The following ANXA11 variants were observed in gnomAD, a reference collection of about 807,000 sequenced individuals.
ANXA11 encodes the protein annexin A11.
ANXA11 carries 57 observed loss-of-function variants against 64.7 expected under a neutral mutation model. The observed-to-expected ratio is 0.88, with a 90% CI of 0.71 to 1.10. The LOEUF (loss-of-function observed/expected upper bound fraction) is 1.10, where lower values mean the gene tolerates loss of function less well. Ranked by LOEUF, ANXA11 falls within the 50% of genes least tolerant of loss-of-function variation. The probability of loss-of-function intolerance (pLI) is 0.00; values close to 1 mark genes in which losing one functional copy is unlikely to be tolerated. For synonymous variants in ANXA11, 260 were observed against 265.2 expected, an observed-to-expected ratio of 0.98 and a Z score of 0.19; for missense variants, 675 against 670.7, an observed-to-expected ratio of 1.01 and a Z score of -0.07.
In ANXA11 at chr10:80,163,521, G is replaced by C; in HGVS notation, c.1029+13C>G. On this transcript the variant is annotated intron_variant, in intron 10 of 15. Transcript: ENST00000422982. Reference sequence around the variant, plus strand: ...TGGCTTGGGGGCCCCGAGCCCTGTCGTGGGAAAAGTACCTGAGAGAGAGAG... The same window carrying C: ...TGGCTTGGGGGCCCCGAGCCCTGTCCTGGGAAAAGTACCTGAGAGAGAGAG... The C allele has an allele frequency of 6.3e-7, 1 of 1,589,072 alleles. No homozygotes were observed. Among genetic ancestry groups the C allele is most frequent in the Non-Finnish European group, 8.6e-7 (1 of 1,166,900 alleles).
At chr10:80,179,676 C>T (rs34386571) in intron 1 of ANXA11, among the ~76,000 whole-genome samples, 17,265 of 152,278 alleles carry the variant, frequency 0.11, 1,205 homozygotes, top group South Asian at 0.24. Context: ...AACATCAGAA[C>T]CCCTAAGCCA....
chr10:80,160,281 G>A (rs1350423110), intron 12 of ANXA11, among the ~76,000 whole-genome samples: 10 of 152,290 alleles, frequency 6.6e-5, no homozygotes, highest in Middle Eastern at 3.4e-3. Flanking sequence ...AGATGAAAAT[G>A]CTTTCACTCA....
Position 80,154,381 on chromosome 10 carries a change from C to G in ANXA11, c.*1472G>C, listed in dbSNP as rs531981698. ...CCTCCCAAAGTGCTGGGATTACAGC[C>G]GTGAGCCACCACGCCTGGCCAAATT... On this transcript the variant is annotated 3_prime_UTR_variant, in exon 16 of 16. Coordinates refer to ENST00000422982, the MANE Select transcript of ANXA11 (RefSeq NM_145868.2). 6.6e-6 allele frequency: 1 copy of G among 152,068 alleles called. No homozygotes were observed. The highest frequency in any genetic ancestry group is 1.5e-5 in the Non-Finnish European group (1 of 68,060). The allele number at this position is 152,068 out of a possible 1,614,324, so 9.4% of individuals were successfully genotyped here.
Position 80,199,138 on chromosome 10 carries a change from C to A in ANXA11, c.-58+6205G>T, listed in dbSNP as rs190406238. Among the ~76,000 whole-genome samples the A allele has an allele frequency of 1.3e-3, 195 of 148,190 alleles. 1 individual carries two copies. Among genetic ancestry groups the A allele is most frequent in the African/African-American group, 4.5e-3 (180 of 39,622 alleles). ...TTGAGACCAAGTCTTGATCTGTCGT[C>A]CAGGCTGGAGTGCAGTGGCACGATC... On this transcript the variant is annotated intron_variant, in intron 1 of 15. Transcript: ENST00000422982.
chr10:80,170,285 C>T (rs953261991), intron 4 of ANXA11, among the ~76,000 whole-genome samples: 3 of 152,088 alleles, frequency 2.0e-5, no homozygotes, highest in Non-Finnish European at 2.9e-5. Context: ...TCTAAGCATA[C>T]GTTTGTTTTC....
chr10:80,187,153 C>A (rs1256049320), intron 1 of ANXA11, among the ~76,000 whole-genome samples: 2 of 152,216 alleles, frequency 1.3e-5, no homozygotes, highest in African/African-American at 4.8e-5. Flanking sequence ...TGGCCAGGAC[C>A]TGCTATAGTT....
chr10:80,181,454 C>G (rs1347245305), intron 1 of ANXA11: 1 of 151,496 alleles, frequency 6.6e-6, no homozygotes, highest in East Asian at 1.9e-4. Context: ...GGAAGTGAAA[C>G]CCTGTCTCAA....
rs1845726995 is a variant in ANXA11, at chr10:80,166,150, C to G, written c.792G>C (p.Lys264Asn). 1 of 1,613,308 alleles carries G rather than the reference C, an allele frequency of 6.2e-7. No homozygotes were observed. Among genetic ancestry groups the G allele is most frequent in the South Asian group, 1.1e-5 (1 of 91,014 alleles). ...GGGTCTTCATCAGAGCCAAGATTGTCTTCTCAAAGTTTCCTGACAGTTCAG... is the reference window on the plus strand; with the variant it reads ...GGGTCTTCATCAGAGCCAAGATTGTGTTCTCAAAGTTTCCTGACAGTTCAG... The part of the protein sequence containing the change: ...LKSELSGNFE[K>N]TILALMKTPV... Residue 264 changes from lysine (K) to asparagine (N), a missense_variant, in exon 8 of 16, where the codon AAG (lysine) becomes AAC (asparagine). By Grantham distance (94) the Lys-to-Asn change is moderately conservative (BLOSUM62 0). Transcript: ENST00000422982.
chr10:80,166,283 AT>A (rs2132399719), intron 7 of ANXA11, 86 bp from the exon 8 acceptor site: 1 of 771,078 alleles, frequency 1.3e-6, no homozygotes, highest in African/African-American at 1.8e-5. Context: ...TAAGAGCCAT[AT>A]CCCAGATTTG....
At position 80,154,099 on chromosome 10, in the gene ANXA11, G is replaced by A. The variant is rs1845205638; in HGVS notation, c.*1754C>T. The A allele has an allele frequency of 1.2e-5, 1 of 85,176 alleles. No individual in the cohort carries two copies. Among genetic ancestry groups the A allele is most frequent in the Non-Finnish European group, 2.2e-5 (1 of 45,562 alleles). 5.3% of individuals were successfully genotyped at this position (85,176 alleles called of 1,614,324 possible). A position where few individuals can be genotyped will look rare whatever the true frequency, so the allele number is the denominator to read the frequency against. ...TATAGGGAATGCACTACAATGCCAG[G>A]TAAATTTTTTTTTTTTTTTGAGACA... On this transcript the variant is annotated 3_prime_UTR_variant, in exon 16 of 16. Transcript: ENST00000422982.
At chr10:80,172,958 C>G in intron 2 of ANXA11, 89 bp from the exon 3 acceptor site, 1 of 1,128,804 alleles carries the variant, frequency 8.9e-7, no homozygotes, top group Admixed American at 1.8e-5. Flanking sequence ...GCAGCCACCA[C>G]CACAACTGGG....
At chr10:80,194,947 G>A (rs964916095) in intron 1 of ANXA11, among the ~76,000 whole-genome samples, 4 of 152,214 alleles carry the variant, frequency 2.6e-5, no homozygotes, top group Non-Finnish European at 5.9e-5. Flanking sequence ...GATCACAGGA[G>A]TAGAGGTTTA....
In ANXA11 at chr10:80,157,759, G is replaced by GC. The variant is rs2132358505; in HGVS notation, c.1339dup (p.Ala447GlyfsTer28). 2 of 1,612,970 alleles carry GC rather than the reference G, an allele frequency of 1.2e-6. No homozygotes were observed. On this transcript the variant is annotated frameshift_variant, in exon 15 of 16. Coordinates refer to ENST00000422982, the MANE Select transcript of ANXA11 (RefSeq NM_145868.2). LOFTEE classifies it high-confidence loss of function. Reference sequence around the variant, plus strand: ...AATCAGGGTCCGGTCCTTTGTTCCTGCCCCCTAAAGAGAGTCCACCCAAGA... The same window carrying GC: ...AATCAGGGTCCGGTCCTTTGTTCCTGCCCCCCTAAAGAGAGTCCACCCAAGA...
chr10:80,152,438 T>G lies in ANXA11; in HGVS notation c.*3415A>C, dbSNP rs12356916. The G allele has an allele frequency of 6.6e-6, 1 of 152,384 alleles. No individual in the cohort carries two copies. The highest frequency in any genetic ancestry group is 2.4e-5 in the African/African-American group (1 of 41,444). The allele number at this position is 152,384 out of a possible 1,614,324, so 9.4% of individuals were successfully genotyped here. On this transcript the variant is annotated 3_prime_UTR_variant, in exon 16 of 16. Transcript: ENST00000422982. ...GGGTTGGATCTCTTGGGAGTGACCA[T>G]GAGGGCAGCGAGAGGAACAGGAAGG...
rs964429438 is a variant in ANXA11, at chr10:80,151,089, T to A, written c.*4764A>T. 2 of 152,152 alleles carry A rather than the reference T, an allele frequency of 1.3e-5. No individual in the cohort carries two copies. Among genetic ancestry groups the A allele is most frequent in the Admixed American group, 1.3e-4 (2 of 15,276 alleles). 9.4% of individuals were successfully genotyped at this position (152,152 alleles called of 1,614,324 possible). A position where few individuals can be genotyped will look rare whatever the true frequency, so the allele number is the denominator to read the frequency against. Reference sequence around the variant, plus strand: ...CTCTCCTCTAGTCTACCCTTCATTTTAAAAAGTCAAAAAGACAGGAAGTGA... The same window carrying A: ...CTCTCCTCTAGTCTACCCTTCATTTAAAAAAGTCAAAAAGACAGGAAGTGA... On this transcript the variant is annotated 3_prime_UTR_variant, in exon 16 of 16. Transcript: ENST00000422982.
chr10:80,193,968 G>A (rs1256679046), intron 1 of ANXA11, among the ~76,000 whole-genome samples: 2 of 146,424 alleles, frequency 1.4e-5, no homozygotes, highest in South Asian at 2.5e-4. Flanking sequence ...ATAGGCATGC[G>A]CCACCACGCC....
rs1000093545 is a variant in ANXA11 at position 80,168,909 on chromosome 10, T to C, written c.561+60A>G. ...CCCTGTCTCCCCATCTACTGAGCCA[T>C]GTGTCTCCAGCCTTTGGGGCCCAGG... On this transcript the variant is annotated intron_variant, in intron 5 of 15. Transcript: ENST00000422982. 8.3e-6 allele frequency: 12 copies of C among 1,441,228 alleles called. No homozygotes were observed. The African/African-American group carries it at 1.7e-4, about 21-fold the overall frequency. 89.3% of individuals were successfully genotyped at this position (1,441,228 alleles called of 1,614,324 possible). A position where few individuals can be genotyped will look rare whatever the true frequency, so the allele number is the denominator to read the frequency against.
At chr10:80,164,616 C>G (rs186911053) in intron 8 of ANXA11, among the ~76,000 whole-genome samples, 26 of 152,294 alleles carry the variant, frequency 1.7e-4, no homozygotes, top group Non-Finnish European at 3.4e-4. Flanking sequence ...GTAGGAACAA[C>G]AAGGATGAAT....
At chr10:80,173,057 C>T in intron 2 of ANXA11, 188 bp from the exon 3 acceptor site, 1 of 565,678 alleles carries the variant, frequency 1.8e-6, no homozygotes, top group Non-Finnish European at 3.1e-6. Flanking sequence ...AAACAGTACC[C>T]ACCAGCATGC....
Sources: gnomAD v4.1 joint callset for allele counts (sites outside exome capture counted in the v4.1 genomes callset) on GRCh38, gnomAD v4.1.1 for gene constraint, MANE v1.5 for transcripts, NCBI Gene and HGNC (gene_info 2026-07-23, HGNC 2026-07-21) for gene names.